Variants in PLCB2 observed in about 807,000 individuals in gnomAD.
PLCB2 encodes the protein 1-phosphatidylinositol 4,5-bisphosphate phosphodiesterase beta-2.
Under a neutral mutation model 141.7 loss-of-function variants are expected in PLCB2, and 115 were observed. That is an observed-to-expected ratio of 0.81 (90% confidence interval 0.70 to 0.95). The LOEUF is 0.95. PLCB2 is among the 40% of genes least tolerant of loss of function. The pLI, the probability that PLCB2 is intolerant of heterozygous loss-of-function variation, is 0.00. For missense variants in PLCB2, 1,403 were observed against 1,541.1 expected (o/e 0.91, Z 1.50); for synonymous variants, 603 against 595.6 (o/e 1.01, Z -0.18).
chr15:40,285,554 C>T, downstream of PLCB2: 1 of 985,420 alleles, frequency 1.0e-6, no homozygotes, highest in South Asian at 4.7e-5. Flanking sequence ...TGCTCCCGCC[C>T]CAGAGCTAGG....
chr15:40,290,154 C>T, intron 29 of PLCB2, 72 bp from the exon 30 acceptor site: 2 of 967,648 alleles, frequency 2.1e-6, no homozygotes, highest in Admixed American at 1.7e-5. Context: ...GAAGTCTACG[C>T]AGGATGTAGG....
At chr15:40,298,432 C>A in intron 10 of PLCB2, 52 bp from the exon 11 acceptor site, 1 of 1,572,942 alleles carries the variant, frequency 6.4e-7, no homozygotes. Context: ...GGCAGCCCAG[C>A]TCTCCCCCTA....
Position 40,288,467 on chromosome 15 carries a change from G to A in PLCB2, c.*248C>T. On this transcript the variant is annotated 3_prime_UTR_variant, in exon 32 of 32. Transcript: ENST00000260402. Reference sequence around the variant, plus strand: ...TCAACAAATATATGACACTTATCTAGAGATGGAGGGGGAGGTAGGAAGTCA... The same window carrying A: ...TCAACAAATATATGACACTTATCTAAAGATGGAGGGGGAGGTAGGAAGTCA... 1 of 1,260,214 alleles carries A rather than the reference G, an allele frequency of 7.9e-7. No individual in the cohort carries two copies. Among genetic ancestry groups the A allele is most frequent in the South Asian group, 3.3e-5 (1 of 30,036 alleles). 78.1% of individuals were successfully genotyped at this position (1,260,214 alleles called of 1,614,324 possible). A position where few individuals can be genotyped will look rare whatever the true frequency, so the allele number is the denominator to read the frequency against.
intron 1 of PLCB2, among the ~76,000 whole-genome samples, chr15:40,306,586 A>C (rs1279078973): frequency 1.3e-5 from 2 of 152,036 alleles, no homozygotes; most frequent in African/African-American, 2.4e-5. Context: ...ACTCCTAGGG[A>C]AGCAGGAAGC....
chr15:40,294,430 C>G lies in PLCB2; in HGVS notation c.1907-10G>C, dbSNP rs1169086993. On this transcript the variant is annotated splice_polypyrimidine_tract_variant and intron_variant, in intron 18 of 31. Transcript: ENST00000260402. ...TGCTGCATGGGCAAGTCTGGAGGGA[C>G]AAGGACACTCAGTGAGGAAGGCCCA... 8.7e-6 allele frequency: 14 copies of G among 1,613,934 alleles called. No individual in the cohort carries two copies. The East Asian group carries it at 8.9e-5, about 10-fold the overall frequency.
rs1363625572 is a variant in PLCB2, at chr15:40,305,196, T to TTTA, written c.85-1119_85-1118insTAA. Among the ~76,000 whole-genome samples the TTTA allele has an allele frequency of 9.2e-5, 13 of 141,974 alleles. 1 individual carries two copies. Among genetic ancestry groups the TTTA allele is most frequent in the African/African-American group, 7.8e-5 (3 of 38,382 alleles). 93.1% of individuals were successfully genotyped at this position (141,974 alleles called of 152,430 possible). A position where few individuals can be genotyped will look rare whatever the true frequency, so the allele number is the denominator to read the frequency against. On this transcript the variant is annotated intron_variant, in intron 1 of 31. Coordinates refer to ENST00000260402, the MANE Select transcript of PLCB2 (RefSeq NM_004573.3). ...ATCTCTTTTTTTTTTTTTTTTTTTTTACCTTAAGTTCTGGGATACATGTGC... is the reference window on the plus strand; with the variant it reads ...ATCTCTTTTTTTTTTTTTTTTTTTTTTTAACCTTAAGTTCTGGGATACATGTGC...
chr15:40,298,489 T>C (rs2040348035), intron 10 of PLCB2, 73 bp downstream of exon 10: 1 of 1,604,156 alleles, frequency 6.2e-7, no homozygotes, highest in Non-Finnish European at 8.5e-7. Context: ...CAGCAGCATG[T>C]GGGCAACCCC....
At position 40,291,886 on chromosome 15, in the gene PLCB2, G is replaced by T; in HGVS notation, c.2565C>A (p.Val855=). 1 of 1,614,188 alleles carries T rather than the reference G, an allele frequency of 6.2e-7. No homozygotes were observed. Among genetic ancestry groups the T allele is most frequent in the South Asian group, 1.1e-5 (1 of 91,064 alleles). Residue 855 remains valine, a synonymous_variant, in exon 24 of 32, where the codon GTC becomes GTA. Transcript: ENST00000260402. The stretch of plus-strand genomic sequence containing the variant: ...TGCTCGTTGGGGCCAACGCCCCATT[G>T]ACCTGGCTGGCAACTGGACTCGCCA... ...FPLASPVASQ[V]NGALAPTSNG...
chr15:40,290,969 G>C lies in PLCB2; in HGVS notation c.3036+49C>G, dbSNP rs1566871588. ...GAGGGGCGAATGGGGTCCATGGGGGGTGGGGTCGGTGGGGCTGGTGGGGTT... is the reference window on the plus strand; with the variant it reads ...GAGGGGCGAATGGGGTCCATGGGGGCTGGGGTCGGTGGGGCTGGTGGGGTT... On this transcript the variant is annotated intron_variant, in intron 27 of 31. Coordinates refer to ENST00000260402, the MANE Select transcript of PLCB2 (RefSeq NM_004573.3). 3.9e-6 allele frequency: 6 copies of C among 1,536,512 alleles called. No individual in the cohort carries two copies. The Admixed American group carries it at 5.6e-5, about 14-fold the overall frequency.
chr15:40,289,919 T>C, intron 30 of PLCB2, 106 bp downstream of exon 30: 1 of 862,064 alleles, frequency 1.2e-6, no homozygotes. Context: ...CACCCCTTCC[T>C]ACTTGTGAAG....
chr15:40,298,133 T>C, intron 11 of PLCB2, 90 bp downstream of exon 11: 1 of 1,396,820 alleles, frequency 7.2e-7, no homozygotes. Context: ...ATTCATCTTC[T>C]CTAGCTTCAG....
intron 10 of PLCB2, 46 bp from the exon 11 acceptor site, chr15:40,298,426 G>A (rs1280140588): frequency 6.4e-7 from 1 of 1,572,742 alleles, no homozygotes; most frequent in Non-Finnish European, 8.7e-7. Context: ...CCCAAAGGCA[G>A]CCCAGCTCTC....
chr15:40,297,385 G>A lies in PLCB2; in HGVS notation c.1323+136C>T. Reference sequence around the variant, plus strand: ...GCCCAGTGCCTGACACACGGAAGGTGACAGGATCCCAGACCCGCATCTAAC... The same window carrying A: ...GCCCAGTGCCTGACACACGGAAGGTAACAGGATCCCAGACCCGCATCTAAC... On this transcript the variant is annotated intron_variant, in intron 13 of 31. Coordinates refer to ENST00000260402, the MANE Select transcript of PLCB2 (RefSeq NM_004573.3). This position sits in a 1 kb window ranked among gnomAD's most constrained non-coding sequence, Gnocchi z 4.2. 1 of 723,590 alleles carries A rather than the reference G, an allele frequency of 1.4e-6. No homozygotes were observed. 44.8% of individuals were successfully genotyped at this position (723,590 alleles called of 1,614,324 possible).
At chr15:40,302,980 G>A (rs2040598158) in intron 3 of PLCB2, among the ~76,000 whole-genome samples, 1 of 152,202 alleles carries the variant, frequency 6.6e-6, no homozygotes. Context: ...AGGCAAACTA[G>A]TCCGGGGGTG....
In PLCB2 at chr15:40,292,912, A is replaced by G. The variant is rs1284052570; in HGVS notation, c.2326+14T>C. The G allele has an allele frequency of 6.5e-7, 1 of 1,540,962 alleles. No homozygotes were observed. The highest frequency in any genetic ancestry group is 2.3e-5 in the East Asian group (1 of 43,868). ...GCTGCTGATCTTGGAACAGTGAAGG[A>G]CCCCACTCCTTACCAGAATTTAGGG... On this transcript the variant is annotated intron_variant, in intron 21 of 31. Transcript: ENST00000260402.
At position 40,296,822 on chromosome 15, in the gene PLCB2, G is replaced by A. The variant is rs553063836; in HGVS notation, c.1410C>T (p.Pro470=). ...CACCAGTATCCTTACTGGAGGAGGTGGGGCCAGAAAACTGGTTCTTCTTGT... is the reference window on the plus strand; with the variant it reads ...CACCAGTATCCTTACTGGAGGAGGTAGGGCCAGAAAACTGGTTCTTCTTGT... ...IKNKKNQFSG[P]TSSSKDTGGE... The change falls in exon 14 of 32, where the codon CCC becomes CCT. Residue 470 remains proline (P), a synonymous_variant. Transcript: ENST00000260402. 1.9e-6 allele frequency: 3 copies of A among 1,613,974 alleles called. No individual in the cohort carries two copies. The African/African-American group carries it at 4.0e-5, about 22-fold the overall frequency.
In PLCB2 at chr15:40,296,529, G is replaced by A. The variant is rs770392264; in HGVS notation, c.1592C>T (p.Ser531Leu). Residue 531 changes from serine (S) to leucine (L), a missense_variant, in exon 15 of 32, where the codon TCG (serine) becomes TTG (leucine). Ser to Leu is a moderately radical substitution (Grantham distance 145). Coordinates refer to ENST00000260402, the MANE Select transcript of PLCB2 (RefSeq NM_004573.3). ...GGGGCTACCCCCACACACCTCATCCGACTGCATCTTCTTAATCTCTTCTTC... is the reference window on the plus strand; with the variant it reads ...GGGGCTACCCCCACACACCTCATCCAACTGCATCTTCTTAATCTCTTCTTC... ...LDEEEIKKMQ[S>L]DEGTAGLEVT... is the part of the protein sequence containing the mutation. 19 of 1,613,934 alleles carry A rather than the reference G, an allele frequency of 1.2e-5. No homozygotes were observed. The Admixed American group carries it at 1.7e-4, about 14-fold the overall frequency.
At chr15:40,302,709 C>A in intron 3 of PLCB2, 100 bp from the exon 4 acceptor site, 1 of 1,297,558 alleles carries the variant, frequency 7.7e-7, no homozygotes, top group Non-Finnish European at 1.1e-6. Flanking sequence ...CTATGGCCCA[C>A]TGGGCAGAAC....
intron 1 of PLCB2, among the ~76,000 whole-genome samples, chr15:40,306,917 C>A (rs1182549236): frequency 1.3e-5 from 2 of 152,238 alleles, no homozygotes; most frequent in Admixed American, 1.3e-4. Context: ...CTGGGAGCAG[C>A]CCCGTGTAGG....
Sources: allele counts gnomAD v4.1 joint callset (sites outside exome capture counted in the v4.1 genomes callset), GRCh38; gene constraint gnomAD v4.1.1; non-coding constraint Gnocchi (gnomAD v3.1); transcripts MANE v1.5; gene names NCBI Gene and HGNC (gene_info 2026-07-23, HGNC 2026-07-21).